Variants in DLGAP1 observed in about 807,000 individuals in gnomAD.
DLGAP1 encodes the protein DLG associated protein 1, also known as disks large-associated protein 1.
Under a neutral mutation model 90.8 loss-of-function variants are expected in DLGAP1, and 11 were observed. The ratio of observed to expected loss-of-function variants is 0.12; its 90% CI spans 0.08 to 0.20. The LOEUF (loss-of-function observed/expected upper bound fraction) is 0.20. Ranked by LOEUF, DLGAP1 falls within the 10% of genes least tolerant of loss-of-function variation. The pLI, the probability that DLGAP1 is intolerant of heterozygous loss-of-function variation, is 1.00. For missense variants in DLGAP1, 1,050 were observed against 1,333.8 expected (o/e 0.79, Z 3.31); for synonymous variants, 558 against 540.7 (o/e 1.03, Z -0.44).
chr18:3,576,738 G>C (rs749545796), intron 8 of DLGAP1, among the ~76,000 whole-genome samples: 7 of 147,214 alleles, frequency 4.8e-5, no homozygotes, highest in Non-Finnish European at 1.0e-4. Context: ...CTAATTTTTT[G>C]TATTTTTAGT....
chr18:4,257,624 TC>T (rs979821555), intron 1 of DLGAP1, among the ~76,000 whole-genome samples: 2 of 151,728 alleles, frequency 1.3e-5, no homozygotes, highest in African/African-American at 4.8e-5. Flanking sequence ...CTTTTTCTTT[TC>T]CTTTCTTTTT....
chr18:4,179,480 T>C (rs185660156), intron 1 of DLGAP1, among the ~76,000 whole-genome samples: 533 of 152,312 alleles, frequency 3.5e-3, no homozygotes, highest in Non-Finnish European at 5.3e-3. Flanking sequence ...ATTGTTCTTA[T>C]TGATTCAGTG....
At chr18:3,667,973 A>G (rs1162690132) in intron 7 of DLGAP1, among the ~76,000 whole-genome samples, 1 of 152,170 alleles carries the variant, frequency 6.6e-6, no homozygotes, top group Admixed American at 6.5e-5. Context: ...CTTCCCACAG[A>G]TTTTTCTGCA....
intron 3 of DLGAP1, among the ~76,000 whole-genome samples, chr18:3,909,352 C>T (rs768242134): frequency 7.9e-5 from 12 of 152,102 alleles, no homozygotes; most frequent in Non-Finnish European, 1.5e-4. Context: ...GTTAAGGTTT[C>T]AGTCTTTGAC....
At chr18:4,000,689 C>A (rs2074165691) in intron 3 of DLGAP1, among the ~76,000 whole-genome samples, 1 of 152,188 alleles carries the variant, frequency 6.6e-6, no homozygotes, top group South Asian at 2.1e-4. Context: ...GTTATAAAAT[C>A]TTTAGCTCAC....
At chr18:3,578,839 G>A (rs1369837262) in intron 8 of DLGAP1, among the ~76,000 whole-genome samples, 1 of 152,100 alleles carries the variant, frequency 6.6e-6, no homozygotes, top group East Asian at 1.9e-4. Flanking sequence ...GTGGTTGGAT[G>A]AGTCAAATGA....
intron 4 of DLGAP1, among the ~76,000 whole-genome samples, chr18:3,814,901 C>A (rs768800171): frequency 1.3e-5 from 2 of 152,152 alleles, no homozygotes; most frequent in African/African-American, 4.8e-5. Flanking sequence ...AAACTTTAGA[C>A]ATTAACCTTT....
intron 7 of DLGAP1, chr18:3,593,696 C>G (rs548334502): frequency 6.6e-6 from 1 of 152,286 alleles, no homozygotes; most frequent in South Asian, 2.1e-4. Context: ...CTTCCTAACG[C>G]CAGACAAATG....
At chr18:3,710,523 TGACTGTG>T (rs1380644175) in intron 7 of DLGAP1, among the ~76,000 whole-genome samples, 16 of 152,260 alleles carry the variant, frequency 1.1e-4, no homozygotes, top group Non-Finnish European at 2.1e-4. Context: ...ACGGTGTCAA[TGACTGTG>T]GAGAGGAAAG....
intron 3 of DLGAP1, among the ~76,000 whole-genome samples, chr18:3,925,863 A>C (rs1490208441): frequency 6.6e-6 from 1 of 152,232 alleles, no homozygotes; most frequent in African/African-American, 2.4e-5. Context: ...GAAAAACCAA[A>C]CTGAAACCCA....
chr18:4,043,615 T>C (rs184911806), intron 2 of DLGAP1, among the ~76,000 whole-genome samples: 1 of 152,306 alleles, frequency 6.6e-6, no homozygotes, highest in African/African-American at 2.4e-5. Context: ...ATGCATCTTT[T>C]CTTTTATACT....
At chr18:3,724,337 G>T (rs779114956) in intron 7 of DLGAP1, among the ~76,000 whole-genome samples, 3 of 151,888 alleles carry the variant, frequency 2.0e-5, no homozygotes, top group Non-Finnish European at 4.4e-5. Flanking sequence ...TAGCACACAG[G>T]CCAAACTTTA....
intron 3 of DLGAP1, among the ~76,000 whole-genome samples, chr18:3,929,854 A>G (rs1005722945): frequency 2.0e-5 from 3 of 152,236 alleles, no homozygotes; most frequent in Admixed American, 1.3e-4. Flanking sequence ...AAATATTTGT[A>G]CATGCTCTAT....
intron 4 of DLGAP1, chr18:3,874,365 G>A: frequency 1.3e-6 from 2 of 1,490,226 alleles, no homozygotes; most frequent in South Asian, 2.7e-5. Context: ...TGTTTCTACG[G>A]CTGAATGAAT....
intron 2 of DLGAP1, among the ~76,000 whole-genome samples, chr18:4,104,897 C>T (rs2075834475): frequency 6.6e-6 from 1 of 152,186 alleles, no homozygotes; most frequent in Non-Finnish European, 1.5e-5. Context: ...TTTGTCTGAT[C>T]TTCCTGTATT....
At chr18:3,805,006 C>T (rs561982009) in intron 5 of DLGAP1, among the ~76,000 whole-genome samples, 19 of 152,350 alleles carry the variant, frequency 1.2e-4, no homozygotes, top group African/African-American at 4.6e-4. Flanking sequence ...ACTTTCTTCT[C>T]ATCTTCTCCC....
intron 1 of DLGAP1, among the ~76,000 whole-genome samples, chr18:4,212,963 A>C (rs887996964): frequency 6.6e-6 from 1 of 152,198 alleles, no homozygotes; most frequent in African/African-American, 2.4e-5. Flanking sequence ...CAGATAATAA[A>C]GTGGCAAATA....
intron 2 of DLGAP1, among the ~76,000 whole-genome samples, chr18:4,116,178 A>G (rs2076060751): frequency 6.6e-6 from 1 of 152,148 alleles, no homozygotes; most frequent in Admixed American, 6.5e-5. Context: ...ACTTTTTAGC[A>G]CTTCAAATAT....
At chr18:3,889,866 G>A (rs769524452) in intron 3 of DLGAP1, among the ~76,000 whole-genome samples, 20 of 152,206 alleles carry the variant, frequency 1.3e-4, no homozygotes, top group African/African-American at 3.4e-4. Flanking sequence ...GTGGGGCAGC[G>A]TTAGCCATGG....
Sources: gnomAD v4.1 joint callset for allele counts (sites outside exome capture counted in the v4.1 genomes callset) on GRCh38, gnomAD v4.1.1 for gene constraint, MANE v1.5 for transcripts, NCBI Gene and HGNC (gene_info 2026-07-23, HGNC 2026-07-21) for gene names.